The following AGRN variants were observed in gnomAD, a reference collection of about 807,000 sequenced individuals.
AGRN encodes the protein agrin proteoglycan.
AGRN carries 106 observed loss-of-function variants against 211.0 expected under a neutral mutation model. The ratio of observed to expected loss-of-function variants is 0.50; its 90% CI spans 0.43 to 0.59. AGRN has a LOEUF of 0.59. Among genes scored for constraint, AGRN ranks in the 20% least tolerant of loss-of-function variants. AGRN has a pLI of 0.00. For missense variants in AGRN, 3,040 were observed against 2,982.6 expected, an observed-to-expected ratio of 1.02 and a Z score of -0.45; for synonymous variants, 1,525 against 1,332.5, an observed-to-expected ratio of 1.14 and a Z score of -3.15.
chr1:1,044,709 T>C (rs1443391264), intron 12 of AGRN, among the ~76,000 whole-genome samples: 3 of 152,138 alleles, frequency 2.0e-5, no homozygotes, highest in African/African-American at 7.2e-5. Context: ...TGTGGGCACT[T>C]TCTCTGCATA....
Position 1,045,997 on chromosome 1 carries a change from G to A in AGRN, c.2714G>A (p.Arg905His), listed in dbSNP as rs751639799. Residue 905 changes from arginine (R) to histidine (H), a missense_variant, in exon 16 of 36, where the codon CGC (arginine) becomes CAC (histidine). By Grantham distance (29) the Arg-to-His change is conservative. This residue lies in a region of AGRN where 1,498 missense variants were observed against 1,457.8 expected (regional missense o/e 1.03). Coordinates refer to ENST00000379370, the MANE Select transcript of AGRN (RefSeq NM_198576.4). ...ASAPATCAEM[R>H]CEFGARCVEE... ...GCGCCTGCGACCTGTGCGGAGATGC[G>A]CTGTGAGTTCGGTGCGCGGTGCGTG... 31 of 1,613,942 alleles carry A rather than the reference G, an allele frequency of 1.9e-5. No homozygotes were observed. The highest frequency in any genetic ancestry group is 2.5e-5 in the Non-Finnish European group (29 of 1,180,016).
Position 1,029,671 on chromosome 1 carries a change from A to ATG in AGRN, c.464-5591_464-5590dup, listed in dbSNP as rs36212580. ...CAGTGCATGGTGCTGTGAGATCAGC[A>ATG]TGTGTGTGTGTGTGTGCAGTGCATG... is the stretch of plus-strand genomic sequence containing the variant. On this transcript the variant is annotated intron_variant, in intron 2 of 35. Transcript: ENST00000379370. 2.9e-4 allele frequency among the ~76,000 whole-genome samples: 14 copies of ATG among 49,012 alleles called. 2 individuals are homozygous for ATG. The highest frequency in any genetic ancestry group is 7.4e-4 in the Admixed American group (5 of 6,758). The allele number at this position is 49,012 out of a possible 152,430, so 32.2% of individuals were successfully genotyped here. A position where few individuals can be genotyped will look rare whatever the true frequency, so the allele number is the denominator to read the frequency against.
Position 1,050,855 on chromosome 1 carries a change from C to G in AGRN, c.5253+18C>G, listed in dbSNP as rs189784653. 97 of 1,539,456 alleles carry G rather than the reference C, an allele frequency of 6.3e-5. 1 individual carries two copies. In the Admixed American group the frequency reaches 1.9e-3, roughly 30 times the overall value. ...AGTCCCCGGTGAGTGCTCTGGGCCG[C>G]GAGGGGACTCCCGCTGCTGCCTGCT... On this transcript the variant is annotated intron_variant, in intron 30 of 35. Transcript: ENST00000379370.
chr1:1,051,400 C>A (rs1415904125), intron 31 of AGRN, 31 bp downstream of exon 31: 4 of 1,547,762 alleles, frequency 2.6e-6, no homozygotes, highest in East Asian at 4.7e-5. Flanking sequence ...CCAGCAGGGC[C>A]TCCGGGGCGG....
intron 1 of AGRN, among the ~76,000 whole-genome samples, chr1:1,021,820 A>G (rs1644413244): frequency 6.6e-6 from 1 of 152,326 alleles, no homozygotes; most frequent in Middle Eastern, 3.4e-3. Flanking sequence ...CCACTGCCCA[A>G]GCTTGCTGGG....
chr1:1,055,065 G>C lies in AGRN; in HGVS notation c.*84G>C. On this transcript the variant is annotated 3_prime_UTR_variant, in exon 36 of 36. Transcript: ENST00000379370. ...TTTTTGATATGATTTTCTTGCCTGA[G>C]TGTTGGCCGGAGGGACTGCTGGCCC... is the stretch of plus-strand genomic sequence containing the variant. 6.5e-7 allele frequency: 1 copy of C among 1,529,162 alleles called. No homozygotes were observed. The highest frequency in any genetic ancestry group is 1.4e-5 in the African/African-American group (1 of 72,916). The allele number at this position is 1,529,162 out of a possible 1,614,324, so 94.7% of individuals were successfully genotyped here. A position where few individuals can be genotyped will look rare whatever the true frequency, so the allele number is the denominator to read the frequency against.
rs1216964963 is a variant in AGRN, at chr1:1,051,796, C to T, written c.5632C>T (p.Leu1878Phe). 1 of 1,613,658 alleles carries T rather than the reference C, an allele frequency of 6.2e-7. No individual in the cohort carries two copies. Among genetic ancestry groups the T allele is most frequent in the African/African-American group, 1.3e-5 (1 of 74,930 alleles). ...AFDGRTFVEY[L>F]NAVTESEKAL... ...TGACGGGCGGACCTTTGTCGAGTAC[C>T]TCAACGCTGTGACCGAGAGGTAACG... Residue 1878 changes from leucine to phenylalanine, a missense_variant, in exon 33 of 36, where the codon CTC becomes TTC. This residue lies in a region of AGRN where 1,537 missense variants were observed against 1,505.0 expected (regional missense o/e 1.02). Transcript: ENST00000379370.
At chr1:1,034,991 C>A (rs1017459972) in intron 2 of AGRN, 2 of 562,170 alleles carry the variant, frequency 3.6e-6, no homozygotes, top group East Asian at 2.9e-5. Context: ...GCGGTGGACT[C>A]TTCCAGGGAA....
chr1:1,042,725 C>A (rs1644978632), intron 7 of AGRN, among the ~76,000 whole-genome samples: 1 of 152,196 alleles, frequency 6.6e-6, no homozygotes, highest in South Asian at 2.1e-4. Flanking sequence ...GCCGTGCCTG[C>A]CCTCCAGGAG....
At chr1:1,041,902 C>A in intron 6 of AGRN, 54 bp from the exon 7 acceptor site, 1 of 1,599,186 alleles carries the variant, frequency 6.3e-7, no homozygotes. Flanking sequence ...CATCCCAGGG[C>A]AGGGATGGAG....
rs1444881480 is a variant in AGRN, at chr1:1,049,871, C to G, written c.4745-32C>G. 5 of 1,611,176 alleles carry G rather than the reference C, an allele frequency of 3.1e-6. No homozygotes were observed. The Admixed American group carries it at 5.0e-5, about 16-fold the overall frequency. ...GGTACCCAACCGACGCCTCCTGGGA[C>G]CTCGGTCCCGGTCCCGTCTTCCTCC... On this transcript the variant is annotated intron_variant, in intron 26 of 35. Transcript: ENST00000379370.
chr1:1,043,665 G>C lies in AGRN; in HGVS notation c.1731G>C (p.Glu577Asp). Residue 577 changes from glutamate (E) to aspartate (D), a missense_variant, in exon 9 of 36, where the codon GAG (glutamate) becomes GAC (aspartate). Transcript: ENST00000379370. ...CCGACGGGCACACGTACCCCAGCGAGTGCATGCTGCACGTGCACGCCTGCA... is the reference window on the plus strand; with the variant it reads ...CCGACGGGCACACGTACCCCAGCGACTGCATGCTGCACGTGCACGCCTGCA... Reference protein sequence around the residue: ...CGSDGHTYPSECMLHVHACTH... With the variant: ...CGSDGHTYPSDCMLHVHACTH... 1 of 1,600,922 alleles carries C rather than the reference G, an allele frequency of 6.2e-7. No individual in the cohort carries two copies. The highest frequency in any genetic ancestry group is 1.1e-5 in the South Asian group (1 of 91,064).
chr1:1,040,951 G>A, intron 4 of AGRN, 71 bp downstream of exon 4: 3 of 964,164 alleles, frequency 3.1e-6, no homozygotes, highest in Non-Finnish European at 4.0e-6. Flanking sequence ...GGCTGGGAGG[G>A]GCTTCGGGGC....
rs1196847979 is a variant in AGRN at position 1,020,204 on chromosome 1, GGCCGCTGCT to G, written c.39_47del (p.Pro15_Leu17del). On this transcript the variant is annotated inframe_deletion, in exon 1 of 36. Coordinates refer to ENST00000379370, the MANE Select transcript of AGRN (RefSeq NM_198576.4). ...GGCCGGTCCCACCCGGGCCCGCTGC[GGCCGCTGCT>G]GCCGCTCCTTGTGGTGGCCGCGTGC... is the stretch of plus-strand genomic sequence containing the variant. 1.5e-6 allele frequency: 2 copies of G among 1,368,114 alleles called. No homozygotes were observed. Among genetic ancestry groups the G allele is most frequent in the Non-Finnish European group, 1.9e-6 (2 of 1,064,320 alleles). The allele number at this position is 1,368,114 out of a possible 1,614,324, so 84.7% of individuals were successfully genotyped here.
intron 7 of AGRN, among the ~76,000 whole-genome samples, chr1:1,042,582 C>T (rs574139795): frequency 2.6e-5 from 4 of 152,268 alleles, no homozygotes; most frequent in East Asian, 1.9e-4. Context: ...CGTCGTGTCC[C>T]GTCGTGTTCG....
At chr1:1,046,764 G>A (rs764223012) in intron 18 of AGRN, 29 bp downstream of exon 18, 1 of 1,573,510 alleles carries the variant, frequency 6.4e-7, no homozygotes, top group Admixed American at 1.8e-5. Context: ...CTTGGGGTGG[G>A]TGGGCAGGCG....
chr1:1,054,366 T>G, intron 34 of AGRN, 82 bp from the exon 35 acceptor site: 2 of 1,266,582 alleles, frequency 1.6e-6, no homozygotes, highest in Non-Finnish European at 1.1e-6. Context: ...CTGCAGGGCA[T>G]AGGAAGGATG....
At chr1:1,052,091 G>A in intron 33 of AGRN, 1 of 1,429,168 alleles carries the variant, frequency 7.0e-7, no homozygotes, top group Non-Finnish European at 9.4e-7. Context: ...GCAGAGTCCG[G>A]AGCCCCCGGG....
chr1:1,043,776 C>T (rs750693825), intron 9 of AGRN, 44 bp downstream of exon 9: 8 of 1,605,578 alleles, frequency 5.0e-6, no homozygotes, highest in Non-Finnish European at 6.8e-6. Context: ...TCCTGTGCCT[C>T]CCTCAGCCTG....
Sources: gnomAD v4.1 joint callset for allele counts (sites outside exome capture counted in the v4.1 genomes callset) on GRCh38, gnomAD v4.1.1 for gene constraint, gnomAD v4.1.1 regional missense constraint, MANE v1.5 for transcripts, NCBI Gene and HGNC (gene_info 2026-07-23, HGNC 2026-07-21) for gene names.